The following DLG2 variants were observed in gnomAD, a reference collection of about 807,000 sequenced individuals.
The protein encoded by DLG2 is disks large homolog 2.
In DLG2, 45 loss-of-function variants were observed where a neutral mutation model predicts 132.5. The observed-to-expected ratio is 0.34, with a 90% CI of 0.27 to 0.44. DLG2 has a LOEUF of 0.44. Ranked by LOEUF, DLG2 falls within the 20% of genes least tolerant of loss-of-function variation. DLG2 has a pLI of 1.00. For synonymous variants in DLG2, 424 were observed against 419.6 expected (o/e 1.01, Z -0.13); for missense variants, 1,045 against 1,196.9 (o/e 0.87, Z 1.87).
At chr11:84,505,228 G>C (rs1705677852) in intron 7 of DLG2, among the ~76,000 whole-genome samples, 1 of 151,986 alleles carries the variant, frequency 6.6e-6, no homozygotes, top group Admixed American at 6.6e-5. Flanking sequence ...TTTGGTATAA[G>C]GTATCATAAT....
chr11:85,071,837 T>A lies in DLG2; in HGVS notation c.357+39824A>T, dbSNP rs2065906848. On this transcript the variant is annotated intron_variant, in intron 6 of 27. Coordinates refer to ENST00000376104, the MANE Select transcript of DLG2 (RefSeq NM_001142699.3). Reference sequence around the variant, plus strand: ...AGCCAAAGAGTTCTTTAAGTATCCTTACATCTCTCTCTTGTGTTCAGAAAT... The same window carrying A: ...AGCCAAAGAGTTCTTTAAGTATCCTAACATCTCTCTCTTGTGTTCAGAAAT... 2.0e-5 allele frequency among the ~76,000 whole-genome samples: 3 copies of A among 151,838 alleles called. 1 individual carries two copies. In the South Asian group the frequency reaches 6.2e-4, roughly 31 times the overall value.
chr11:83,490,774 C>G (rs2138161425), intron 21 of DLG2, among the ~76,000 whole-genome samples: 1 of 151,906 alleles, frequency 6.6e-6, no homozygotes, highest in Non-Finnish European at 1.5e-5. Context: ...GTCATGAAAA[C>G]TATAAAATAT....
At chr11:85,307,116 C>G (rs373388013) in intron 3 of DLG2, among the ~76,000 whole-genome samples, 1 of 152,120 alleles carries the variant, frequency 6.6e-6, no homozygotes, top group Non-Finnish European at 1.5e-5. Flanking sequence ...CACAGTATAA[C>G]GAAAGAAGAC....
intron 7 of DLG2, among the ~76,000 whole-genome samples, chr11:84,259,263 G>GAAAAAAA (rs397968137): frequency 3.1e-5 from 3 of 97,322 alleles, no homozygotes; most frequent in Non-Finnish European, 6.4e-5. Context: ...ACTGTGTCTC[G>GAAAAAAA]AAAAAAAAAA....
At chr11:85,049,655 T>C (rs761285163) in intron 6 of DLG2, among the ~76,000 whole-genome samples, 2 of 152,104 alleles carry the variant, frequency 1.3e-5, no homozygotes, top group Non-Finnish European at 2.9e-5. Context: ...ATGCTGCTGA[T>C]ACTTTCTCAT....
At position 84,744,569 on chromosome 11, in the gene DLG2, A is replaced by G. The variant is rs557266865; in HGVS notation, c.358-209838T>C. On this transcript the variant is annotated intron_variant, in intron 6 of 27. Coordinates refer to ENST00000376104, the MANE Select transcript of DLG2 (RefSeq NM_001142699.3). ...AGGATTAGGCAGCACTTTTCTATAA[A>G]AATACTAAACATACCTTAATCTATT... Among the ~76,000 whole-genome samples the G allele has an allele frequency of 2.0e-5, 3 of 152,336 alleles. No homozygotes were observed. The East Asian group carries it at 5.8e-4, about 29-fold the overall frequency.
At chr11:84,062,332 A>T (rs2096604465) in intron 10 of DLG2, among the ~76,000 whole-genome samples, 1 of 152,122 alleles carries the variant, frequency 6.6e-6, no homozygotes, top group Non-Finnish European at 1.5e-5. Flanking sequence ...AAGGAGAGAG[A>T]CTATGTCCAG....
rs972892914 is a variant in DLG2, at chr11:84,003,370, C to T, written c.920-22728G>A. The stretch of plus-strand genomic sequence containing the variant: ...ATTTTTGGGTGTCTTTATAGCAGCA[C>T]CCCACTCCTGGTACCATTTTCCTGT... On this transcript the variant is annotated intron_variant, in intron 11 of 27. Coordinates refer to ENST00000376104, the MANE Select transcript of DLG2 (RefSeq NM_001142699.3). 2.6e-5 allele frequency among the ~76,000 whole-genome samples: 4 copies of T among 152,126 alleles called. No homozygotes were observed. The East Asian group carries it at 5.8e-4, about 22-fold the overall frequency.
intron 7 of DLG2, among the ~76,000 whole-genome samples, chr11:84,446,959 A>T (rs1317905587): frequency 6.6e-6 from 1 of 152,142 alleles, no homozygotes; most frequent in Non-Finnish European, 1.5e-5. Context: ...CCTCTAAATT[A>T]ACCCAAAATC....
chr11:85,297,503 C>T (rs766175913), intron 3 of DLG2, among the ~76,000 whole-genome samples: 6 of 152,314 alleles, frequency 3.9e-5, no homozygotes, highest in Non-Finnish European at 2.9e-5. Context: ...GAAAACTATG[C>T]TGATAGTTCC....
intron 6 of DLG2, among the ~76,000 whole-genome samples, chr11:85,103,121 A>G (rs1253453338): frequency 2.0e-5 from 3 of 151,964 alleles, no homozygotes; most frequent in Non-Finnish European, 4.4e-5. Flanking sequence ...TTTAAAGAAG[A>G]CTCTAATAAA....
chr11:83,914,160 T>A (rs957320593), intron 15 of DLG2, among the ~76,000 whole-genome samples: 5 of 152,062 alleles, frequency 3.3e-5, no homozygotes, highest in Non-Finnish European at 5.9e-5. Context: ...GTTTTGGTTG[T>A]GGGGGCAGAT....
intron 17 of DLG2, among the ~76,000 whole-genome samples, chr11:83,802,050 G>A (rs893633124): frequency 6.6e-6 from 1 of 151,930 alleles, no homozygotes; most frequent in Admixed American, 6.6e-5. Flanking sequence ...CAGCATCTTT[G>A]AGGGTGAGGC....
At chr11:85,395,307 A>G (rs1369349558) in intron 3 of DLG2, among the ~76,000 whole-genome samples, 2 of 152,192 alleles carry the variant, frequency 1.3e-5, no homozygotes, top group African/African-American at 2.4e-5. Flanking sequence ...CTGAATAGGA[A>G]CAGCTCTGGT....
At chr11:84,626,058 G>T (rs1015440823) in intron 6 of DLG2, among the ~76,000 whole-genome samples, 12 of 152,012 alleles carry the variant, frequency 7.9e-5, no homozygotes, top group Non-Finnish European at 1.6e-4. Flanking sequence ...GCTTATTGAG[G>T]ACCGACTCTT....
intron 6 of DLG2, among the ~76,000 whole-genome samples, chr11:84,555,099 C>T (rs1438419606): frequency 6.6e-6 from 1 of 151,984 alleles, no homozygotes; most frequent in African/African-American, 2.4e-5. Flanking sequence ...TTTGGGTCCC[C>T]ATCCTAAGAA....
chr11:83,487,806 A>C (rs2093611270), intron 21 of DLG2, among the ~76,000 whole-genome samples: 1 of 152,004 alleles, frequency 6.6e-6, no homozygotes, highest in Non-Finnish European at 1.5e-5. Flanking sequence ...ATAATGTAAA[A>C]AAGGAAAGAA....
intron 3 of DLG2, among the ~76,000 whole-genome samples, chr11:85,502,813 A>T (rs2093836016): frequency 6.6e-6 from 1 of 152,156 alleles, no homozygotes; most frequent in African/African-American, 2.4e-5. Context: ...AAGTTAAAGT[A>T]AAATTTTTAA....
At chr11:83,546,602 T>C (rs1592905226) in intron 19 of DLG2, among the ~76,000 whole-genome samples, 1 of 152,226 alleles carries the variant, frequency 6.6e-6, no homozygotes. Context: ...AAATGAGATA[T>C]AAAGAGCTGA....
Sources: allele counts gnomAD v4.1 joint callset (sites outside exome capture counted in the v4.1 genomes callset), GRCh38; gene constraint gnomAD v4.1.1; transcripts MANE v1.5; gene names NCBI Gene and HGNC (gene_info 2026-07-23, HGNC 2026-07-21).